The following PSMD12 variants were observed in gnomAD, a reference collection of about 807,000 sequenced individuals.
The protein encoded by PSMD12 is proteasome 26S subunit, non-ATPase 12, also known as 26S proteasome non-ATPase regulatory subunit 12.
Under a neutral mutation model 62.9 loss-of-function variants are expected in PSMD12, and 8 were observed. The observed-to-expected ratio is 0.13, with a 90% CI of 0.07 to 0.23. The LOEUF (loss-of-function observed/expected upper bound fraction) is 0.23. Ranked by LOEUF, PSMD12 falls within the 10% of genes least tolerant of loss-of-function variation. The pLI is 1.00. For missense variants in PSMD12, 424 were observed against 550.2 expected, an observed-to-expected ratio of 0.77 and a Z score of 2.29; for synonymous variants, 173 against 187.4, an observed-to-expected ratio of 0.92 and a Z score of 0.63.
chr17:67,359,117 A>T (rs527499576), intron 1 of PSMD12, among the ~76,000 whole-genome samples: 3 of 152,258 alleles, frequency 2.0e-5, no homozygotes, highest in African/African-American at 7.2e-5. Flanking sequence ...GCACTTTGGG[A>T]GGCTGAGGTG....
chr17:67,350,225 T>A lies in PSMD12; in HGVS notation c.405+4A>T. The A allele has an allele frequency of 2.6e-5, 41 of 1,590,304 alleles. No homozygotes were observed. Among genetic ancestry groups the A allele is most frequent in the Non-Finnish European group, 3.4e-5 (40 of 1,165,700 alleles). On this transcript the variant is annotated splice_donor_region_variant and intron_variant, in intron 4 of 10. Coordinates refer to ENST00000356126, the MANE Select transcript of PSMD12 (RefSeq NM_002816.5). ...ATTTTGAGTTATGTCAACAGAAAAT[T>A]TACCTTGCCTTCGGTAACCATTCGT...
chr17:67,338,623 G>A lies in PSMD12; in HGVS notation c.*2220C>T, dbSNP rs1339588859. 14 of 152,336 alleles carry A rather than the reference G, an allele frequency of 9.2e-5. No homozygotes were observed. Among genetic ancestry groups the A allele is most frequent in the East Asian group, 1.9e-4 (1 of 5,186 alleles). 9.4% of individuals were successfully genotyped at this position (152,336 alleles called of 1,614,324 possible). A position where few individuals can be genotyped will look rare whatever the true frequency, so the allele number is the denominator to read the frequency against. On this transcript the variant is annotated 3_prime_UTR_variant, in exon 11 of 11. Coordinates refer to ENST00000356126, the MANE Select transcript of PSMD12 (RefSeq NM_002816.5). ...AATCCCAGCACTTTGGGCAGCCAAGGCGGGTGGATCACCTGAGGTCAGGAG... is the reference window on the plus strand; with the variant it reads ...AATCCCAGCACTTTGGGCAGCCAAGACGGGTGGATCACCTGAGGTCAGGAG...
intron 3 of PSMD12, among the ~76,000 whole-genome samples, chr17:67,352,763 C>T (rs1188341151): frequency 1.3e-5 from 2 of 152,168 alleles, no homozygotes; most frequent in Non-Finnish European, 2.9e-5. Flanking sequence ...AATGCAGTCC[C>T]TCAAATCACC....
At chr17:67,364,695 T>C (rs1567963179) in intron 1 of PSMD12, among the ~76,000 whole-genome samples, 1 of 152,228 alleles carries the variant, frequency 6.6e-6, no homozygotes, top group African/African-American at 2.4e-5. Flanking sequence ...CTACATTGTA[T>C]TGGCTCAAAT....
intron 1 of PSMD12, among the ~76,000 whole-genome samples, chr17:67,365,292 GT>G (rs1336858180): frequency 6.6e-6 from 1 of 152,096 alleles, no homozygotes; most frequent in Non-Finnish European, 1.5e-5. Context: ...GTCTGCCTGG[GT>G]TTGCTTCTTG....
chr17:67,355,637 T>C (rs2042061640), intron 3 of PSMD12, among the ~76,000 whole-genome samples: 1 of 152,026 alleles, frequency 6.6e-6, no homozygotes, highest in Non-Finnish European at 1.5e-5. Flanking sequence ...ACCCAGAAAC[T>C]ACTCAGGAAA....
intron 1 of PSMD12, among the ~76,000 whole-genome samples, chr17:67,360,362 A>C (rs935939788): frequency 4.6e-5 from 7 of 152,224 alleles, no homozygotes; most frequent in African/African-American, 1.4e-4. Context: ...GAGTATCAAC[A>C]AAACATTAAA....
intron 3 of PSMD12, chr17:67,355,531 AG>A (rs1456986979): frequency 6.6e-6 from 1 of 152,232 alleles, no homozygotes; most frequent in East Asian, 1.9e-4. Context: ...TAATAAAATC[AG>A]GAATTTGTCC....
intron 1 of PSMD12, among the ~76,000 whole-genome samples, chr17:67,365,810 T>A (rs1447814938): frequency 2.0e-5 from 3 of 151,888 alleles, no homozygotes; most frequent in Non-Finnish European, 4.4e-5. Flanking sequence ...AACCTTCCCT[T>A]ATGGCACCAT....
intron 1 of PSMD12, among the ~76,000 whole-genome samples, chr17:67,358,747 T>A (rs895714460): frequency 2.6e-5 from 4 of 152,086 alleles, no homozygotes; most frequent in Non-Finnish European, 4.4e-5. Flanking sequence ...TCAATGACTT[T>A]AAGAATAAAT....
intron 1 of PSMD12, among the ~76,000 whole-genome samples, chr17:67,360,898 A>G (rs565760988): frequency 6.6e-6 from 1 of 152,244 alleles, no homozygotes; most frequent in East Asian, 1.9e-4. Context: ...TTTGAAGGAC[A>G]CTACCATCAT....
chr17:67,346,167 C>CG (rs2041963765), intron 7 of PSMD12, among the ~76,000 whole-genome samples: 1 of 151,886 alleles, frequency 6.6e-6, no homozygotes, highest in Non-Finnish European at 1.5e-5. Flanking sequence ...CCCAGGCGGG[C>CG]GGATCACCTG....
At chr17:67,348,763 TGAGGCAG>T in intron 4 of PSMD12, 109 bp from the exon 5 acceptor site, 1 of 882,212 alleles carries the variant, frequency 1.1e-6, no homozygotes, top group Admixed American at 2.4e-5. Context: ...TTTGGAAGGC[TGAGGCAG>T]GAGGATCGCT....
intron 5 of PSMD12, among the ~76,000 whole-genome samples, chr17:67,348,330 G>A (rs1282646203): frequency 6.6e-6 from 1 of 152,158 alleles, no homozygotes; most frequent in Non-Finnish European, 1.5e-5. Flanking sequence ...TAGGTATGTA[G>A]TGGTACCCCA....
chr17:67,340,793 C>CT lies in PSMD12; in HGVS notation c.*49dup, dbSNP rs2041906361. 6 of 1,426,424 alleles carry CT rather than the reference C, an allele frequency of 4.2e-6. No individual in the cohort carries two copies. The highest frequency in any genetic ancestry group is 3.8e-6 in the Non-Finnish European group (4 of 1,057,322). The allele number at this position is 1,426,424 out of a possible 1,614,324, so 88.4% of individuals were successfully genotyped here. ...CCAACATATACACCATTATAACAGT[C>CT]TTTTTTTAATGACTTCCAATTTTAA... On this transcript the variant is annotated 3_prime_UTR_variant, in exon 11 of 11. Coordinates refer to ENST00000356126, the MANE Select transcript of PSMD12 (RefSeq NM_002816.5).
chr17:67,339,946 G>C lies in PSMD12; in HGVS notation c.*897C>G, dbSNP rs2041895853. On this transcript the variant is annotated 3_prime_UTR_variant, in exon 11 of 11. Transcript: ENST00000356126. ...TTAGGTTATCCAGTGTTCATATAATGGAACTAAAAGTTCCTACAGAGATAA... is the reference window on the plus strand; with the variant it reads ...TTAGGTTATCCAGTGTTCATATAATCGAACTAAAAGTTCCTACAGAGATAA... 1 of 151,114 alleles carries C rather than the reference G, an allele frequency of 6.6e-6. No homozygotes were observed. Among genetic ancestry groups the C allele is most frequent in the Non-Finnish European group, 1.5e-5 (1 of 67,876 alleles). 9.4% of individuals were successfully genotyped at this position (151,114 alleles called of 1,614,324 possible).
chr17:67,352,561 CA>C (rs370296960), intron 3 of PSMD12, among the ~76,000 whole-genome samples: 2 of 152,096 alleles, frequency 1.3e-5, no homozygotes, highest in Non-Finnish European at 2.9e-5. Context: ...AAAAGCTGTG[CA>C]AAAAATACAT....
rs776129051 is a variant in PSMD12, at chr17:67,340,803, T to A, written c.*40A>T. On this transcript the variant is annotated 3_prime_UTR_variant, in exon 11 of 11. Transcript: ENST00000356126. ...CACCATTATAACAGTCTTTTTTTAA[T>A]GACTTCCAATTTTAACTTTTTTCTA... The A allele has an allele frequency of 1.4e-6, 2 of 1,461,178 alleles. No homozygotes were observed. Among genetic ancestry groups the A allele is most frequent in the South Asian group, 1.3e-5 (1 of 74,646 alleles). The allele number at this position is 1,461,178 out of a possible 1,614,324, so 90.5% of individuals were successfully genotyped here. A position where few individuals can be genotyped will look rare whatever the true frequency, so the allele number is the denominator to read the frequency against.
chr17:67,342,223 A>G lies in PSMD12; in HGVS notation c.1124T>C (p.Met375Thr). 1 of 1,589,618 alleles carries G rather than the reference A, an allele frequency of 6.3e-7. No individual in the cohort carries two copies. The highest frequency in any genetic ancestry group is 8.6e-7 in the Non-Finnish European group (1 of 1,158,008). ...IMAKYYTRIT[M>T]KRMAQLLDLS... The stretch of plus-strand genomic sequence containing the variant: ...ATCCAGAAGCTGTGCCATCCTTTTC[A>G]TTGTTATCCGAGTATAATACTTGGC... The change falls in exon 10 of 11, where the codon ATG (methionine) becomes ACG (threonine). Residue 375 changes from methionine to threonine, a missense_variant. By Grantham distance (81) the Met-to-Thr change is moderately conservative (BLOSUM62 -1). Transcript: ENST00000356126.
Sources: gnomAD v4.1 joint callset for allele counts (sites outside exome capture counted in the v4.1 genomes callset) on GRCh38, gnomAD v4.1.1 for gene constraint, MANE v1.5 for transcripts, NCBI Gene and HGNC (gene_info 2026-07-23, HGNC 2026-07-21) for gene names.